Variants in FRMPD4 observed in about 807,000 individuals in gnomAD.
FRMPD4 encodes the protein FERM and PDZ domain-containing protein 4.
A neutral mutation model predicts 94.1 loss-of-function variants in FRMPD4; 22 were observed. That is an observed-to-expected ratio of 0.23 (90% CI 0.17 to 0.33). The LOEUF (loss-of-function observed/expected upper bound fraction) is 0.33. Ranked by LOEUF, FRMPD4 falls within the 10% of genes least tolerant of loss-of-function variation. The pLI is 1.00. For synonymous variants in FRMPD4, 631 were observed against 548.6 expected (o/e 1.15, Z -2.10); for missense variants, 1,111 against 1,339.9 (o/e 0.83, Z 2.67).
intron 3 of FRMPD4, among the ~76,000 whole-genome samples, chrX:12,040,987 T>G (rs959682645): frequency 1.8e-5 from 2 of 111,342 alleles, no homozygotes; most frequent in African/African-American, 6.5e-5. Flanking sequence ...TAGTGGTTAC[T>G]CTAGGGATTA....
chrX:11,836,863 T>A (rs756731896), intron 1 of FRMPD4, among the ~76,000 whole-genome samples: 77 of 112,158 alleles, frequency 6.9e-4, no homozygotes, highest in Admixed American at 1.7e-3. Flanking sequence ...TTAAAAGTTC[T>A]ATTTCATTAT....
chrX:12,598,542 G>C (rs1322208886), intron 2 of FRMPD4, among the ~76,000 whole-genome samples: 1 of 111,880 alleles, frequency 8.9e-6, no homozygotes, highest in Non-Finnish European at 1.9e-5. Flanking sequence ...AATCATAAGC[G>C]TGAAGCTCTC....
chrX:12,045,427 C>A (rs2054780113), intron 3 of FRMPD4, among the ~76,000 whole-genome samples: 1 of 111,222 alleles, frequency 9.0e-6, no homozygotes, highest in Admixed American at 9.6e-5. Context: ...GGTTGTTTTT[C>A]CTTTGCATCC....
intron 1 of FRMPD4, among the ~76,000 whole-genome samples, chrX:12,494,007 T>C (rs2057819183): frequency 8.9e-6 from 1 of 111,850 alleles, no homozygotes; most frequent in Admixed American, 9.5e-5. Context: ...GCAAACCTGG[T>C]ATTTGAACTC....
intron 2 of FRMPD4, among the ~76,000 whole-genome samples, chrX:12,527,487 GTTT>G (rs752107917): frequency 6.5e-5 from 5 of 77,442 alleles, no homozygotes; most frequent in African/African-American, 1.5e-4. Context: ...CTGAGTTACA[GTTT>G]TTTTTTTTTT....
At chrX:12,299,092 C>T (rs1230091889) in intron 1 of FRMPD4, among the ~76,000 whole-genome samples, 3 of 112,008 alleles carry the variant, frequency 2.7e-5, no homozygotes, top group Non-Finnish European at 5.6e-5. Context: ...GGACTCATAA[C>T]GTATTTGTCT....
intron 3 of FRMPD4, among the ~76,000 whole-genome samples, chrX:11,889,144 AC>A (rs1333885316): frequency 8.9e-6 from 1 of 112,269 alleles, no homozygotes; most frequent in Non-Finnish European, 1.9e-5. Context: ...GTGTTCTCTA[AC>A]TTTTTTGTAA....
intron 3 of FRMPD4, among the ~76,000 whole-genome samples, chrX:11,930,843 C>T (rs774855741): frequency 8.1e-5 from 9 of 110,783 alleles, no homozygotes; most frequent in African/African-American, 2.0e-4. Flanking sequence ...GGTGGCTCTC[C>T]GAAGGATATT....
intron 1 of FRMPD4, among the ~76,000 whole-genome samples, chrX:12,451,710 C>A (rs778163828): frequency 2.6e-3 from 262 of 99,510 alleles, no homozygotes; most frequent in Non-Finnish European, 4.4e-3. Context: ...CTATTGATAC[C>A]CTCAGTGATA....
At chrX:11,893,039 C>T (rs915787397) in intron 3 of FRMPD4, among the ~76,000 whole-genome samples, 3 of 112,253 alleles carry the variant, frequency 2.7e-5, no homozygotes, top group Non-Finnish European at 3.8e-5. Context: ...ACAGATAGCT[C>T]CTACGTATCC....
intron 1 of FRMPD4, among the ~76,000 whole-genome samples, chrX:12,233,880 C>T (rs1478580594): frequency 8.9e-6 from 1 of 112,031 alleles, no homozygotes; most frequent in African/African-American, 3.2e-5. Context: ...AGTCTTTGTA[C>T]ATGGGAGCTG....
At chrX:12,516,606 T>C (rs1277790733) in intron 2 of FRMPD4, among the ~76,000 whole-genome samples, 1 of 111,236 alleles carries the variant, frequency 9.0e-6, no homozygotes, top group African/African-American at 3.3e-5. Context: ...CTGGCCTTTC[T>C]CTCTGGCTGC....
At chrX:12,501,089 G>C (rs928484560) in intron 2 of FRMPD4, among the ~76,000 whole-genome samples, 3 of 112,102 alleles carry the variant, frequency 2.7e-5, no homozygotes, top group Non-Finnish European at 3.8e-5. Flanking sequence ...TTCTGGGAAC[G>C]TCAGCTAGCT....
intron 3 of FRMPD4, among the ~76,000 whole-genome samples, chrX:12,017,605 A>T (rs2147420096): frequency 8.9e-6 from 1 of 112,392 alleles, no homozygotes; most frequent in South Asian, 3.7e-4. Context: ...ATGATATAAA[A>T]CTATTAATTT....
chrX:12,292,611 G>A (rs2054707113), intron 1 of FRMPD4, among the ~76,000 whole-genome samples: 1 of 111,711 alleles, frequency 9.0e-6, no homozygotes, highest in African/African-American at 3.3e-5. Context: ...GAGGAAACAA[G>A]TGTGGAGTCA....
intron 1 of FRMPD4, among the ~76,000 whole-genome samples, chrX:12,268,360 T>C (rs1601759852): frequency 8.9e-6 from 1 of 112,027 alleles, no homozygotes; most frequent in African/African-American, 3.2e-5. Flanking sequence ...CAGAAAAAGA[T>C]AGGGAGTGCA....
intron 1 of FRMPD4, among the ~76,000 whole-genome samples, chrX:12,274,244 CTT>C (rs2054398363): frequency 9.0e-6 from 1 of 111,015 alleles, no homozygotes; most frequent in African/African-American, 3.3e-5. Flanking sequence ...GAGCCAGAAA[CTT>C]TTGCATTACA....
At position 12,717,516 on chromosome X, in the gene FRMPD4, G is replaced by C; in HGVS notation, c.2690G>C (p.Arg897Pro). 1 of 1,192,040 alleles carries C rather than the reference G, an allele frequency of 8.4e-7. No homozygotes were observed. The highest frequency in any genetic ancestry group is 1.1e-6 in the Non-Finnish European group (1 of 878,264). Residue 897 changes from arginine to proline, a missense_variant, in exon 16 of 17, where the codon CGG (arginine) becomes CCG (proline). Physicochemically the swap from Arg to Pro is moderately radical, Grantham distance 103 (BLOSUM62 -2). Transcript: ENST00000675598. ...CGGCATGCAGGTGTAGCCATCTTGCGGGCTTATAGTCCTGAGTCTTCGTCA... is the reference window on the plus strand; with the variant it reads ...CGGCATGCAGGTGTAGCCATCTTGCCGGCTTATAGTCCTGAGTCTTCGTCA... ...TSDNSGVAIL[R>P]AYSPESSSDS... is the part of the protein sequence containing the mutation.
At chrX:12,586,171 C>T (rs1449332115) in intron 2 of FRMPD4, among the ~76,000 whole-genome samples, 1 of 112,815 alleles carries the variant, frequency 8.9e-6, no homozygotes, top group Non-Finnish European at 1.9e-5. Context: ...CTCCATGTTG[C>T]CAGAGCCAAG....
Sources: allele counts gnomAD v4.1 joint callset (sites outside exome capture counted in the v4.1 genomes callset), GRCh38; gene constraint gnomAD v4.1.1; transcripts MANE v1.5; gene names NCBI Gene and HGNC (gene_info 2026-07-23, HGNC 2026-07-21).